UBE3A: variants seen among roughly 807,000 people sequenced by gnomAD.
The protein encoded by UBE3A is ubiquitin-protein ligase E3A.
A neutral mutation model predicts 83.4 loss-of-function variants in UBE3A; 6 were observed. That is an observed-to-expected ratio of 0.07 (90% CI 0.04 to 0.14). The LOEUF is 0.14. Ranked by LOEUF, UBE3A falls within the 10% of genes least tolerant of loss-of-function variation. UBE3A has a pLI of 1.00. For synonymous variants in UBE3A, 337 were observed against 355.4 expected (o/e 0.95, Z 0.58); for missense variants, 456 against 1,036.1 (o/e 0.44, Z 7.69).
chr15:25,427,151 A>G (rs1395393795), intron 1 of UBE3A, among the ~76,000 whole-genome samples: 3 of 152,134 alleles, frequency 2.0e-5, no homozygotes, highest in Non-Finnish European at 4.4e-5. Context: ...GCACTTACAA[A>G]TAACTGAATG....
At chr15:25,427,205 CTCAAAATAAATTACCTA>C (rs1180100625) in intron 1 of UBE3A, among the ~76,000 whole-genome samples, 1 of 152,070 alleles carries the variant, frequency 6.6e-6, no homozygotes, top group Non-Finnish European at 1.5e-5. Context: ...ATTTACTGTT[CTCAAAATAAATTACCTA>C]ATCTCAGTTG....
At position 25,370,398 on chromosome 15, in the gene UBE3A, T is replaced by C. The variant is rs921708279; in HGVS notation, c.1608+168A>G. 6.6e-6 allele frequency among the ~76,000 whole-genome samples: 1 copy of C among 152,222 alleles called. No homozygotes were observed. The highest frequency in any genetic ancestry group is 1.5e-5 in the Non-Finnish European group (1 of 68,036). On this transcript the variant is annotated intron_variant, in intron 6 of 12. Coordinates refer to ENST00000648336, the MANE Select transcript of UBE3A (RefSeq NM_130839.5). This position sits in a 1 kb window ranked among gnomAD's most constrained non-coding sequence, Gnocchi z 4.2. ...ACCGATACTTTGTAGAACACATCTA[T>C]AAACTTGCACAGGAACAACAAAAGT...
intron 3 of UBE3A, chr15:25,407,147 G>A (rs1372779700): frequency 1.3e-5 from 17 of 1,349,774 alleles, no homozygotes; most frequent in Non-Finnish European, 1.7e-5. Context: ...GCTAAAAATT[G>A]ATGATAACCC....
Position 25,371,571 on chromosome 15 carries a change from T to G in UBE3A, c.603A>C (p.Glu201Asp). 1 of 1,614,178 alleles carries G rather than the reference T, an allele frequency of 6.2e-7. No individual in the cohort carries two copies. Among genetic ancestry groups the G allele is most frequent in the Non-Finnish European group, 8.5e-7 (1 of 1,180,034 alleles). ...TTGAGGAAGATGCTTCTGAGTCTTC[T>G]TCCATAGCAGCAGCAGAACATGCAG... Reference protein sequence around the residue: ...EKAACSAAAMEEDSEASSSRI... With the variant: ...EKAACSAAAMDEDSEASSSRI... Residue 201 changes from glutamate to aspartate, a missense_variant, in exon 6 of 13, where the codon GAA (glutamate) becomes GAC (aspartate). Glu to Asp is a conservative substitution (Grantham distance 45, BLOSUM62 2). Around this residue, in one of 13 missense-constraint regions of UBE3A, gnomAD observed 42 missense variants for 41.8 expected, o/e 1.00. Coordinates refer to ENST00000648336, the MANE Select transcript of UBE3A (RefSeq NM_130839.5). The surrounding 1 kb of genome is among the most constrained non-coding windows in gnomAD (Gnocchi z 5.3).
chr15:25,390,410 G>GTGAA (rs1320788938), intron 4 of UBE3A, among the ~76,000 whole-genome samples: 2 of 152,220 alleles, frequency 1.3e-5, no homozygotes, highest in East Asian at 1.9e-4. Context: ...CCTTCATTAG[G>GTGAA]TGAATATTCA....
chr15:25,419,505 A>C (rs561109870), intron 1 of UBE3A: 5 of 152,272 alleles, frequency 3.3e-5, no homozygotes, highest in African/African-American at 9.6e-5. Context: ...TATACTTTAG[A>C]AATGTTTAAG....
intron 6 of UBE3A, among the ~76,000 whole-genome samples, chr15:25,362,185 G>A (rs2078224151): frequency 2.0e-5 from 3 of 152,196 alleles, no homozygotes; most frequent in Admixed American, 2.0e-4. Flanking sequence ...TGCAGTCAAA[G>A]AGTTTGACAA....
At position 25,397,750 on chromosome 15, in the gene UBE3A, C is replaced by T. The variant is rs1031304166; in HGVS notation, c.62+7711G>A. On this transcript the variant is annotated intron_variant, in intron 4 of 12. Coordinates refer to ENST00000648336, the MANE Select transcript of UBE3A (RefSeq NM_130839.5). ...AACCGAATGCCTTCTCTTTCCCTCC[C>T]TGTTCTGGTCAATTAAACCCACATA... Among the ~76,000 whole-genome samples, 47 of 152,290 alleles carry T rather than the reference C, an allele frequency of 3.1e-4. 1 individual carries two copies. The highest frequency in any genetic ancestry group is 1.1e-3 in the African/African-American group (47 of 41,556).
At chr15:25,351,665 T>C (rs1385558306) in intron 11 of UBE3A, among the ~76,000 whole-genome samples, 3 of 152,110 alleles carry the variant, frequency 2.0e-5, no homozygotes, top group Admixed American at 2.0e-4. Context: ...AGACGGGGTT[T>C]CCCCCATGTT....
chr15:25,403,795 A>ATT (rs1459092586), intron 4 of UBE3A, among the ~76,000 whole-genome samples: 2 of 152,204 alleles, frequency 1.3e-5, no homozygotes, highest in African/African-American at 2.4e-5. Context: ...ATTTTGAAAC[A>ATT]TGCTAAAGAT....
intron 6 of UBE3A, among the ~76,000 whole-genome samples, chr15:25,364,802 C>T (rs1027407527): frequency 6.6e-6 from 1 of 151,984 alleles, no homozygotes; most frequent in Admixed American, 6.6e-5. Flanking sequence ...TGCCACCGCG[C>T]CTGGCTATTT....
intron 6 of UBE3A, among the ~76,000 whole-genome samples, chr15:25,360,828 A>C (rs1358231123): frequency 7.7e-6 from 1 of 129,688 alleles, no homozygotes; most frequent in Non-Finnish European, 1.5e-5. Context: ...TCTGGACTAC[A>C]CAGGACATGG....
In UBE3A at chr15:25,338,233, AAAC is replaced by A. The variant is rs1354940339; in HGVS notation, c.*901_*903del. ...CACATGCTTTTTGTTTATAATAAAC[AAAC>A]AACAAACTTCCTAACTTTGTTGCAA... On this transcript the variant is annotated 3_prime_UTR_variant, in exon 13 of 13. Transcript: ENST00000648336. The A allele has an allele frequency of 2.0e-5, 3 of 152,128 alleles. No homozygotes were observed. The highest frequency in any genetic ancestry group is 3.9e-4 in the East Asian group (2 of 5,192). 9.4% of individuals were successfully genotyped at this position (152,128 alleles called of 1,614,324 possible).
chr15:25,391,814 T>C (rs1446180019), intron 4 of UBE3A: 2 of 152,104 alleles, frequency 1.3e-5, no homozygotes, highest in East Asian at 3.9e-4. Flanking sequence ...CACTGAAGCT[T>C]TTGGGGTAAA....
At chr15:25,385,150 T>C (rs901952803) in intron 4 of UBE3A, among the ~76,000 whole-genome samples, 10 of 152,028 alleles carry the variant, frequency 6.6e-5, no homozygotes, top group African/African-American at 2.4e-4. Flanking sequence ...AAACAGTAAA[T>C]GGAGTAAAAT....
At chr15:25,378,320 G>A (rs1486099083) in intron 4 of UBE3A, among the ~76,000 whole-genome samples, 2 of 152,134 alleles carry the variant, frequency 1.3e-5, no homozygotes, top group East Asian at 1.9e-4. Flanking sequence ...TCTGCATTAA[G>A]TGTCATCCTT....
chr15:25,386,403 G>A lies in UBE3A; in HGVS notation c.63-10640C>T, dbSNP rs575346834. Among the ~76,000 whole-genome samples, 3 of 152,164 alleles carry A rather than the reference G, an allele frequency of 2.0e-5. No individual in the cohort carries two copies. The East Asian group carries it at 5.8e-4, about 29-fold the overall frequency. On this transcript the variant is annotated intron_variant, in intron 4 of 12. Coordinates refer to ENST00000648336, the MANE Select transcript of UBE3A (RefSeq NM_130839.5). ...GCAGGGATTTGGAATTATCAAACTTGGAATCTAAAACAACTATGATTAATA... is the reference window on the plus strand; with the variant it reads ...GCAGGGATTTGGAATTATCAAACTTAGAATCTAAAACAACTATGATTAATA...
chr15:25,409,573 A>G (rs2089488921), intron 2 of UBE3A, among the ~76,000 whole-genome samples: 1 of 151,780 alleles, frequency 6.6e-6, no homozygotes, highest in Non-Finnish European at 1.5e-5. Flanking sequence ...GACTTGCCCA[A>G]GATTTTGGAA....
chr15:25,371,227 G>T lies in UBE3A; in HGVS notation c.947C>A (p.Ala316Glu). 1 of 1,614,134 alleles carries T rather than the reference G, an allele frequency of 6.2e-7. No homozygotes were observed. The highest frequency in any genetic ancestry group is 8.5e-7 in the Non-Finnish European group (1 of 1,180,022). Residue 316 changes from alanine (A) to glutamate (E), a missense_variant, in exon 6 of 13, where the codon GCA becomes GAA. By Grantham distance (107) the Ala-to-Glu change is moderately radical. This residue lies in a region of UBE3A where 40 missense variants were observed against 124.8 expected (regional missense o/e 0.32). Transcript: ENST00000648336. The surrounding 1 kb of genome is among the most constrained non-coding windows in gnomAD (Gnocchi z 5.3). ...CAGTCTGATCAGTTTTCCTTGGGCT[G>T]CAAGGGGTAGCTTGCTCATCGCTTT... ...FCKAMSKLPL[A>E]AQGKLIRLWS...
Sources: allele counts gnomAD v4.1 joint callset (sites outside exome capture counted in the v4.1 genomes callset), GRCh38; gene constraint gnomAD v4.1.1; regional missense constraint gnomAD v4.1.1; non-coding constraint Gnocchi (gnomAD v3.1); transcripts MANE v1.5; gene names NCBI Gene and HGNC (gene_info 2026-07-23, HGNC 2026-07-21).